The following KHDRBS3 variants were observed in gnomAD, a reference collection of about 807,000 sequenced individuals.
KHDRBS3 encodes the protein KH domain-containing, RNA-binding, signal transduction-associated protein 3.
A neutral mutation model predicts 45.6 loss-of-function variants in KHDRBS3; 23 were observed. The observed-to-expected ratio is 0.50, with a 90% CI of 0.36 to 0.72. The LOEUF is 0.72. Ranked by LOEUF, KHDRBS3 falls within the 30% of genes least tolerant of loss-of-function variation. The pLI, the probability that KHDRBS3 is intolerant of heterozygous loss-of-function variation, is 0.00. For synonymous variants in KHDRBS3, 162 were observed against 156.5 expected (o/e 1.04, Z -0.26); for missense variants, 352 against 424.8 (o/e 0.83, Z 1.51).
chr8:135,644,990 C>T (rs6984897), intron 7 of KHDRBS3, 69 bp from the exon 8 acceptor site: 192,380 of 1,505,672 alleles, frequency 0.13, 14,023 homozygotes, highest in Non-Finnish European at 0.15. Context: ...TTTTACAATA[C>T]GTTATTGAAT....
intron 6 of KHDRBS3, among the ~76,000 whole-genome samples, chr8:135,595,483 G>T (rs984436093): frequency 1.3e-5 from 2 of 152,184 alleles, no homozygotes; most frequent in Non-Finnish European, 2.9e-5. Context: ...CTTCCTTCAA[G>T]CAGATCTGTT....
intron 6 of KHDRBS3, among the ~76,000 whole-genome samples, chr8:135,589,493 T>C (rs1302900915): frequency 6.6e-6 from 1 of 152,204 alleles, no homozygotes; most frequent in Admixed American, 6.5e-5. Flanking sequence ...CCCTTAAACA[T>C]AGCAGGAACT....
intron 7 of KHDRBS3, chr8:135,625,975 C>G (rs1830340709): frequency 1.3e-6 from 1 of 775,536 alleles, no homozygotes; most frequent in South Asian, 1.4e-5. Flanking sequence ...TATACGTTCA[C>G]TGCCATCTTC....
At chr8:135,619,402 C>T (rs1203984035) in intron 7 of KHDRBS3, among the ~76,000 whole-genome samples, 1 of 148,906 alleles carries the variant, frequency 6.7e-6, no homozygotes, top group East Asian at 1.9e-4. Context: ...CCCAATAAGA[C>T]ATCTTACATA....
intron 1 of KHDRBS3, among the ~76,000 whole-genome samples, chr8:135,486,931 A>C (rs921684103): frequency 5.3e-5 from 8 of 152,178 alleles, no homozygotes; most frequent in Non-Finnish European, 7.3e-5. Context: ...TTATTTTCTT[A>C]AAGAGGATGG....
intron 7 of KHDRBS3, among the ~76,000 whole-genome samples, chr8:135,609,160 C>T (rs1563803622): frequency 6.6e-6 from 1 of 152,102 alleles, no homozygotes. Context: ...AACTTCTTTA[C>T]GTTATAAACT....
At chr8:135,582,570 A>G (rs1026615083) in intron 6 of KHDRBS3, among the ~76,000 whole-genome samples, 2 of 152,246 alleles carry the variant, frequency 1.3e-5, no homozygotes, top group African/African-American at 2.4e-5. Context: ...TTCATTTATC[A>G]TTCAGCGATT....
chr8:135,581,401 A>G lies in KHDRBS3; in HGVS notation c.612-477A>G, dbSNP rs765264374. Among the ~76,000 whole-genome samples, 185 of 152,232 alleles carry G rather than the reference A, an allele frequency of 1.2e-3. 1 individual carries two copies. The highest frequency in any genetic ancestry group is 1.3e-3 in the Non-Finnish European group (87 of 68,034). ...TGGTTGACACATTATTCAGGAAAGT[A>G]TATTTTATTGTCTCTCTGGTGGAAT... On this transcript the variant is annotated intron_variant, in intron 5 of 8. Coordinates refer to ENST00000355849, the MANE Select transcript of KHDRBS3 (RefSeq NM_006558.3).
intron 1 of KHDRBS3, among the ~76,000 whole-genome samples, chr8:135,486,107 C>G (rs961719126): frequency 4.6e-5 from 7 of 151,896 alleles, no homozygotes; most frequent in African/African-American, 1.5e-4. Flanking sequence ...TGGACTCATC[C>G]TCTTCATGTG....
chr8:135,512,978 C>G (rs768164479), intron 1 of KHDRBS3, among the ~76,000 whole-genome samples: 2 of 151,860 alleles, frequency 1.3e-5, no homozygotes, highest in Non-Finnish European at 2.9e-5. Flanking sequence ...TTTGGGAGGC[C>G]GAGGCGGGCG....
intron 1 of KHDRBS3, among the ~76,000 whole-genome samples, chr8:135,460,332 A>G (rs1821368292): frequency 6.6e-6 from 1 of 152,238 alleles, no homozygotes; most frequent in African/African-American, 2.4e-5. Context: ...CTAAACTCTA[A>G]CAAGGCCTTA....
chr8:135,502,490 T>C (rs1823783843), intron 1 of KHDRBS3, among the ~76,000 whole-genome samples: 1 of 152,224 alleles, frequency 6.6e-6, no homozygotes, highest in Non-Finnish European at 1.5e-5. Flanking sequence ...GAAGTGTTTG[T>C]CTTCTATATA....
rs1309125745 is a variant in KHDRBS3, at chr8:135,457,851, C to T, written c.-16C>T. The T allele has an allele frequency of 3.2e-6, 5 of 1,555,178 alleles. No individual in the cohort carries two copies. The highest frequency in any genetic ancestry group is 4.3e-6 in the Non-Finnish European group (5 of 1,150,958). On this transcript the variant is annotated 5_prime_UTR_variant, in exon 1 of 9. Transcript: ENST00000355849. This position sits in a 1 kb window ranked among gnomAD's most constrained non-coding sequence, Gnocchi z 4.4. Reference sequence around the variant, plus strand: ...TGCGCCTGGAGTCCACATCCCGGGCCCGGCGGCCGGCGAGCATGGAGGAGA... The same window carrying T: ...TGCGCCTGGAGTCCACATCCCGGGCTCGGCGGCCGGCGAGCATGGAGGAGA...
At position 135,580,236 on chromosome 8, in the gene KHDRBS3, C is replaced by T. The variant is rs528266867; in HGVS notation, c.612-1642C>T. Among the ~76,000 whole-genome samples the T allele has an allele frequency of 8.5e-5, 13 of 152,318 alleles. No homozygotes were observed. The South Asian group carries it at 1.0e-3, about 12-fold the overall frequency. Reference sequence around the variant, plus strand: ...ATGAGTAATGTAGAAATACTTTGAACGAGGCACTTCCAATGACCAGCCCCA... The same window carrying T: ...ATGAGTAATGTAGAAATACTTTGAATGAGGCACTTCCAATGACCAGCCCCA... On this transcript the variant is annotated intron_variant, in intron 5 of 8. Transcript: ENST00000355849.
chr8:135,565,451 A>G (rs1827366951), intron 5 of KHDRBS3, among the ~76,000 whole-genome samples: 2 of 152,198 alleles, frequency 1.3e-5, no homozygotes, highest in Admixed American at 6.5e-5. Flanking sequence ...AGAATTTGCT[A>G]TATTCCTCCA....
At chr8:135,603,875 C>T (rs1182132587) in intron 6 of KHDRBS3, among the ~76,000 whole-genome samples, 3 of 151,922 alleles carry the variant, frequency 2.0e-5, no homozygotes, top group Non-Finnish European at 4.4e-5. Context: ...AATGTGTATT[C>T]GGTTCTTTTT....
At chr8:135,584,304 T>G (rs948609379) in intron 6 of KHDRBS3, among the ~76,000 whole-genome samples, 2 of 152,234 alleles carry the variant, frequency 1.3e-5, no homozygotes, top group African/African-American at 4.8e-5. Flanking sequence ...ATTTGCAATT[T>G]TATCAGCTTC....
chr8:135,539,398 G>A (rs1825935848), intron 2 of KHDRBS3: 1 of 152,286 alleles, frequency 6.6e-6, no homozygotes, highest in African/African-American at 2.4e-5. Flanking sequence ...CGGCCGATCT[G>A]GGTGGCCTGG....
intron 1 of KHDRBS3, among the ~76,000 whole-genome samples, chr8:135,502,190 A>G (rs575636700): frequency 1.3e-5 from 2 of 152,296 alleles, no homozygotes; most frequent in African/African-American, 4.8e-5. Context: ...ACTGCCCTAT[A>G]TAAATGTCTC....
Sources: gnomAD v4.1 joint callset for allele counts (sites outside exome capture counted in the v4.1 genomes callset) on GRCh38, gnomAD v4.1.1 for gene constraint, Gnocchi (gnomAD v3.1) non-coding constraint, MANE v1.5 for transcripts, NCBI Gene and HGNC (gene_info 2026-07-23, HGNC 2026-07-21) for gene names.